CMIP: variants seen among roughly 807,000 people sequenced by gnomAD.
CMIP encodes C-Maf-inducing protein.
A neutral mutation model predicts 97.3 loss-of-function variants in CMIP; 13 were observed. That is an observed-to-expected ratio of 0.13 (90% confidence interval 0.09 to 0.21). CMIP has a LOEUF of 0.21. Ranked by LOEUF, CMIP falls within the 10% of genes least tolerant of loss-of-function variation. The pLI, the probability that CMIP is intolerant of heterozygous loss-of-function variation, is 1.00. For synonymous variants in CMIP, 538 were observed against 436.3 expected (o/e 1.23, Z -2.91); for missense variants, 847 against 1,024.9 (o/e 0.83, Z 2.37).
chr16:81,620,587 T>C, intron 2 of CMIP: 2 of 356,166 alleles, frequency 5.6e-6, no homozygotes, highest in South Asian at 6.6e-5. Context: ...CAGCTGTGTG[T>C]GCAGTTAAAG....
intron 1 of CMIP, among the ~76,000 whole-genome samples, chr16:81,542,791 A>G (rs2090472980): frequency 2.6e-5 from 4 of 152,106 alleles, no homozygotes; most frequent in Admixed American, 6.5e-5. Flanking sequence ...GACCTCCTCA[A>G]ACCCTAATCA....
At chr16:81,547,844 A>G (rs910870928) in intron 1 of CMIP, among the ~76,000 whole-genome samples, 5 of 152,196 alleles carry the variant, frequency 3.3e-5, no homozygotes, top group Non-Finnish European at 5.9e-5. Context: ...TTGGCCTGGG[A>G]CCAGCTTGTG....
Position 81,705,561 on chromosome 16 carries a change from G to T in CMIP, c.2154G>T (p.Leu718=). Reference sequence around the variant, plus strand: ...TCACCATGCTCCAGGTGCTGAACCTGTGCGAGACCCCGGTCACAGACGCTG... The same window carrying T: ...TCACCATGCTCCAGGTGCTGAACCTTTGCGAGACCCCGGTCACAGACGCTG... ...EHLTMLQVLN[L]CETPVTDAGL... is the part of the protein sequence containing the mutation. The change falls in exon 19 of 21, where the codon CTG becomes CTT. Residue 718 remains leucine, a synonymous_variant. Transcript: ENST00000537098. The T allele has an allele frequency of 3.7e-6, 6 of 1,609,324 alleles. No homozygotes were observed. Among genetic ancestry groups the T allele is most frequent in the Non-Finnish European group, 4.2e-6 (5 of 1,178,606 alleles).
At chr16:81,568,232 G>A (rs2091019829) in intron 1 of CMIP, among the ~76,000 whole-genome samples, 1 of 152,066 alleles carries the variant, frequency 6.6e-6, no homozygotes, top group Non-Finnish European at 1.5e-5. Flanking sequence ...TCCAGGGGGA[G>A]AGGGACCCTC....
Position 81,560,283 on chromosome 16 carries a change from A to G in CMIP, c.301-47284A>G, listed in dbSNP as rs564365418. Among the ~76,000 whole-genome samples, 8 of 151,548 alleles carry G rather than the reference A, an allele frequency of 5.3e-5. No individual in the cohort carries two copies. In the East Asian group the frequency reaches 1.6e-3, roughly 30 times the overall value. ...GCCCAGGCTGGAGTGCAGTGGCGCA[A>G]TCTCGGCTCGCTGCAAGCTCCGCCT... On this transcript the variant is annotated intron_variant, in intron 1 of 20. Transcript: ENST00000537098.
rs535811033 is a variant in CMIP, at chr16:81,642,158, G to A, written c.478-10045G>A. On this transcript the variant is annotated intron_variant, in intron 3 of 20. Coordinates refer to ENST00000537098, the MANE Select transcript of CMIP (RefSeq NM_198390.3). ...TCATCAGAACCCAGTGTGCGTGCTT[G>A]CTGTTCTTGGAAAATGTCAGCCCTT... 2.0e-5 allele frequency among the ~76,000 whole-genome samples: 3 copies of A among 152,358 alleles called. No individual in the cohort carries two copies. In the South Asian group the frequency reaches 6.2e-4, roughly 32 times the overall value.
intron 1 of CMIP, among the ~76,000 whole-genome samples, chr16:81,604,352 C>T (rs544985111): frequency 2.6e-4 from 38 of 144,700 alleles, no homozygotes; most frequent in African/African-American, 9.4e-4. Flanking sequence ...GCTGAGAATG[C>T]ACCATTGTAC....
chr16:81,591,157 A>G (rs2091461011), intron 1 of CMIP, among the ~76,000 whole-genome samples: 1 of 152,230 alleles, frequency 6.6e-6, no homozygotes, highest in African/African-American at 2.4e-5. Context: ...ACTTAAGAAA[A>G]GTTATTTCTC....
At chr16:81,500,634 G>A (rs1264768255) in intron 1 of CMIP, among the ~76,000 whole-genome samples, 32 of 151,522 alleles carry the variant, frequency 2.1e-4, no homozygotes, top group African/African-American at 4.4e-4. Context: ...GACTACAGGC[G>A]CGTGCCACCA....
intron 10 of CMIP, 26 bp from the exon 11 acceptor site, chr16:81,691,749 C>G (rs1251524192): frequency 1.2e-6 from 2 of 1,608,902 alleles, no homozygotes; most frequent in East Asian, 2.2e-5. Context: ...CCAACCAAAG[C>G]TGACTGTCAC....
At chr16:81,693,308 C>G in intron 12 of CMIP, 124 bp downstream of exon 12, 1 of 1,401,336 alleles carries the variant, frequency 7.1e-7, no homozygotes. Context: ...TCTCTTGAGA[C>G]ACGTGTCCCT....
At chr16:81,540,373 G>A (rs2090425518) in intron 1 of CMIP, among the ~76,000 whole-genome samples, 1 of 152,188 alleles carries the variant, frequency 6.6e-6, no homozygotes, top group African/African-American at 2.4e-5. Context: ...CACAATCACG[G>A]CTCACTGCAG....
chr16:81,639,930 G>C (rs988454683), intron 3 of CMIP, among the ~76,000 whole-genome samples: 2 of 152,204 alleles, frequency 1.3e-5, no homozygotes, highest in Non-Finnish European at 2.9e-5. Context: ...TACATAGGAA[G>C]CCCGGGGATG....
At chr16:81,499,237 C>T (rs2089550289) in intron 1 of CMIP, among the ~76,000 whole-genome samples, 1 of 152,152 alleles carries the variant, frequency 6.6e-6, no homozygotes, top group Admixed American at 6.5e-5. Flanking sequence ...TCACCGTATA[C>T]ACATATGGCC....
intron 1 of CMIP, among the ~76,000 whole-genome samples, chr16:81,510,023 A>G (rs150584958): frequency 2.5e-3 from 379 of 152,268 alleles, no homozygotes; most frequent in Non-Finnish European, 3.9e-3. Flanking sequence ...TTTCTGATCA[A>G]TTTCCATCAG....
intron 1 of CMIP, among the ~76,000 whole-genome samples, chr16:81,509,257 G>A (rs1038479711): frequency 6.6e-6 from 1 of 152,174 alleles, no homozygotes. Context: ...GCGCAAGCAG[G>A]TGCAGAGAGA....
chr16:81,561,813 T>G (rs548600493), intron 1 of CMIP, among the ~76,000 whole-genome samples: 1 of 152,344 alleles, frequency 6.6e-6, no homozygotes, highest in Admixed American at 6.5e-5. Flanking sequence ...AAAATTCAGT[T>G]CCTCAGTTTC....
At chr16:81,538,182 G>C (rs1314081653) in intron 1 of CMIP, among the ~76,000 whole-genome samples, 4 of 152,232 alleles carry the variant, frequency 2.6e-5, no homozygotes, top group African/African-American at 7.2e-5. Context: ...GATTAGGGAA[G>C]TGGTAGGGAG....
intron 3 of CMIP, among the ~76,000 whole-genome samples, chr16:81,625,628 A>T (rs1445692631): frequency 6.6e-6 from 1 of 152,218 alleles, no homozygotes; most frequent in Non-Finnish European, 1.5e-5. Flanking sequence ...CAGGGTTTCA[A>T]GGTGAGAGAC....
Sources: allele counts gnomAD v4.1 joint callset (sites outside exome capture counted in the v4.1 genomes callset), GRCh38; gene constraint gnomAD v4.1.1; transcripts MANE v1.5; gene names NCBI Gene and HGNC (gene_info 2026-07-23, HGNC 2026-07-21).